The following SLC4A10 variants were observed in gnomAD, a reference collection of about 807,000 sequenced individuals.
SLC4A10 encodes sodium-driven chloride bicarbonate exchanger.
SLC4A10 carries 42 observed loss-of-function variants against 137.7 expected under a neutral mutation model. The observed-to-expected ratio is 0.30, with a 90% CI of 0.24 to 0.39. The LOEUF (loss-of-function observed/expected upper bound fraction) is 0.39, where lower values mean the gene tolerates loss of function less well. Ranked by LOEUF, SLC4A10 falls within the 10% of genes least tolerant of loss-of-function variation. SLC4A10 has a pLI of 1.00. For synonymous variants in SLC4A10, 474 were observed against 464.1 expected (o/e 1.02, Z -0.27); for missense variants, 925 against 1,355.0 (o/e 0.68, Z 4.98).
Position 161,906,813 on chromosome 2 carries a change from G to A in SLC4A10, c.1997+926G>A, listed in dbSNP as rs532341107. Among the ~76,000 whole-genome samples, 298 of 152,180 alleles carry A rather than the reference G, an allele frequency of 2.0e-3. 1 individual carries two copies. The highest frequency in any genetic ancestry group is 3.2e-3 in the Non-Finnish European group (215 of 68,010). On this transcript the variant is annotated intron_variant, in intron 15 of 26. Coordinates refer to ENST00000446997, the MANE Select transcript of SLC4A10 (RefSeq NM_001178015.2). ...ATTTTGTTAAGAATGACGAAATGTT[G>A]GGAGGCCGAGGCGGGCGGATCACGA... is the stretch of plus-strand genomic sequence containing the variant.
intron 10 of SLC4A10, among the ~76,000 whole-genome samples, chr2:161,893,964 T>C (rs1308317893): frequency 1.3e-5 from 2 of 152,018 alleles, no homozygotes; most frequent in Non-Finnish European, 2.9e-5. Flanking sequence ...TTATCCAGAC[T>C]TAACCCCACT....
In SLC4A10 at chr2:161,894,977, T is replaced by C. The variant is rs546701127; in HGVS notation, c.1341+152T>C. Among the ~76,000 whole-genome samples, 30 of 151,854 alleles carry C rather than the reference T, an allele frequency of 2.0e-4. 1 individual carries two copies. The highest frequency in any genetic ancestry group is 7.2e-4 in the African/African-American group (30 of 41,416). On this transcript the variant is annotated intron_variant, in intron 11 of 26. Transcript: ENST00000446997. ...GTGCACAATGTGCCGGCTAGTTACA[T>C]ATGTATACATGTGCCATGCTGGTGT...
At chr2:161,868,767 A>G (rs565264755) in intron 6 of SLC4A10, among the ~76,000 whole-genome samples, 2 of 151,814 alleles carry the variant, frequency 1.3e-5, no homozygotes, top group South Asian at 4.1e-4. Context: ...ATTTACGTTT[A>G]AATAGTCACA....
chr2:161,723,709 T>C (rs932039543), intron 1 of SLC4A10, among the ~76,000 whole-genome samples: 1 of 152,208 alleles, frequency 6.6e-6, no homozygotes, highest in Non-Finnish European at 1.5e-5. Flanking sequence ...TAGGATTTAA[T>C]AACATTGAAT....
intron 10 of SLC4A10, 41 bp from the exon 11 acceptor site, chr2:161,894,638 T>C: frequency 9.1e-7 from 1 of 1,096,042 alleles, no homozygotes; most frequent in Non-Finnish European, 1.2e-6. Context: ...TATTTTATAA[T>C]TATTTTTAAG....
At chr2:161,910,440 G>A (rs1685558085) in intron 15 of SLC4A10, among the ~76,000 whole-genome samples, 1 of 152,024 alleles carries the variant, frequency 6.6e-6, no homozygotes, top group African/African-American at 2.4e-5. Context: ...TCTTTTCTTG[G>A]TTGCTTTGAT....
At chr2:161,828,927 TATTCTATTAGAATA>T (rs1419152794) in intron 3 of SLC4A10, among the ~76,000 whole-genome samples, 2 of 149,462 alleles carry the variant, frequency 1.3e-5, no homozygotes, top group Admixed American at 1.3e-4. Context: ...ATTTCTAAAT[TATTCTATTAGAATA>T]ATTCTATTAG....
intron 1 of SLC4A10, among the ~76,000 whole-genome samples, chr2:161,737,672 A>G (rs2047485861): frequency 6.6e-6 from 1 of 152,116 alleles, no homozygotes; most frequent in Non-Finnish European, 1.5e-5. Context: ...TTCTACTGTA[A>G]TTTTAAATTA....
At chr2:161,720,824 CT>C (rs375436761) in intron 1 of SLC4A10, among the ~76,000 whole-genome samples, 123 of 145,110 alleles carry the variant, frequency 8.5e-4, no homozygotes, top group African/African-American at 1.8e-3. Flanking sequence ...AGTCTTGACT[CT>C]TTTTTTTTTT....
intron 1 of SLC4A10, among the ~76,000 whole-genome samples, chr2:161,737,445 A>G (rs547734347): frequency 1.3e-4 from 19 of 151,788 alleles, no homozygotes; most frequent in African/African-American, 4.3e-4. Flanking sequence ...GTCATTGGGT[A>G]GTAACAGCCA....
At chr2:161,861,362 T>C (rs1488401859) in intron 5 of SLC4A10, among the ~76,000 whole-genome samples, 1 of 152,172 alleles carries the variant, frequency 6.6e-6, no homozygotes, top group Non-Finnish European at 1.5e-5. Flanking sequence ...AAAATATATA[T>C]TTCCTTGTTG....
At chr2:161,810,836 G>A (rs1319325421) in intron 3 of SLC4A10, among the ~76,000 whole-genome samples, 4 of 151,758 alleles carry the variant, frequency 2.6e-5, no homozygotes, top group Admixed American at 2.6e-4. Flanking sequence ...CTGTTTTTGT[G>A]TCTCTGCCAG....
At chr2:161,736,318 G>T (rs1041155458) in intron 1 of SLC4A10, among the ~76,000 whole-genome samples, 4 of 152,086 alleles carry the variant, frequency 2.6e-5, no homozygotes, top group Non-Finnish European at 4.4e-5. Context: ...TCAAATCAAA[G>T]AAAAAGTTTT....
chr2:161,810,853 G>A (rs921471795), intron 3 of SLC4A10, among the ~76,000 whole-genome samples: 1 of 151,868 alleles, frequency 6.6e-6, no homozygotes, highest in Non-Finnish European at 1.5e-5. Context: ...CCAGATTTTG[G>A]TATAAGGATG....
intron 23 of SLC4A10, 133 bp downstream of exon 23, chr2:161,965,306 A>C: frequency 1.2e-6 from 1 of 831,476 alleles, no homozygotes; most frequent in South Asian, 2.1e-5. Context: ...CCACAAGTAG[A>C]CTAGTTTGGA....
At chr2:161,743,274 C>T (rs1018013727) in intron 1 of SLC4A10, among the ~76,000 whole-genome samples, 23 of 152,114 alleles carry the variant, frequency 1.5e-4, no homozygotes, top group Admixed American at 5.2e-4. Flanking sequence ...AGTCTTTAAT[C>T]CATGTTGATT....
chr2:161,919,732 G>A (rs917004402), intron 15 of SLC4A10, among the ~76,000 whole-genome samples: 2 of 152,150 alleles, frequency 1.3e-5, no homozygotes, highest in Admixed American at 6.5e-5. Flanking sequence ...TGGGACTCAC[G>A]AAGTGGTGGC....
intron 15 of SLC4A10, among the ~76,000 whole-genome samples, chr2:161,911,057 TAAAC>T (rs1260823097): frequency 1.3e-5 from 2 of 151,706 alleles, no homozygotes; most frequent in African/African-American, 4.8e-5. Context: ...AATATGTAAA[TAAAC>T]ATACATTAAG....
At chr2:161,686,647 T>G (rs1475395271) in intron 1 of SLC4A10, among the ~76,000 whole-genome samples, 2 of 152,172 alleles carry the variant, frequency 1.3e-5, no homozygotes, top group Non-Finnish European at 2.9e-5. Flanking sequence ...TAGAAAAATA[T>G]TAGAAATCAT....
Sources: allele counts gnomAD v4.1 joint callset (sites outside exome capture counted in the v4.1 genomes callset), GRCh38; gene constraint gnomAD v4.1.1; transcripts MANE v1.5; gene names NCBI Gene and HGNC (gene_info 2026-07-23, HGNC 2026-07-21).